Variants in SAMD12 observed in about 807,000 individuals in gnomAD.
SAMD12 encodes the protein sterile alpha motif domain-containing protein 12.
SAMD12 carries 9 observed loss-of-function variants against 15.0 expected under a neutral mutation model. The ratio of observed to expected loss-of-function variants is 0.60; its 90% CI spans 0.36 to 1.05. The LOEUF is 1.05. Ranked by LOEUF, SAMD12 falls within the 50% of genes least tolerant of loss-of-function variation. SAMD12 has a pLI of 0.01. For missense variants in SAMD12, 230 were observed against 234.2 expected, an observed-to-expected ratio of 0.98 and a Z score of 0.12; for synonymous variants, 86 against 90.1, an observed-to-expected ratio of 0.96 and a Z score of 0.25.
At chr8:118,606,369 G>C (rs1827986018) in intron 1 of SAMD12, among the ~76,000 whole-genome samples, 2 of 152,140 alleles carry the variant, frequency 1.3e-5, no homozygotes, top group Non-Finnish European at 2.9e-5. Flanking sequence ...TTGGGTAAGG[G>C]AGTCTTCACA....
At chr8:118,605,331 T>TA (rs1470303476) in intron 1 of SAMD12, among the ~76,000 whole-genome samples, 7 of 152,080 alleles carry the variant, frequency 4.6e-5, no homozygotes, top group South Asian at 2.1e-4. Context: ...CATAAGAAAG[T>TA]AAAAAAAATA....
In SAMD12 at chr8:118,378,620, T is replaced by G. The variant is rs2130707750; in HGVS notation, c.*797A>C. 1.0e-6 allele frequency: 1 copy of G among 985,114 alleles called. No individual in the cohort carries two copies. The highest frequency in any genetic ancestry group is 1.1e-4 in the East Asian group (1 of 8,808). The allele number at this position is 985,114 out of a possible 1,614,324, so 61.0% of individuals were successfully genotyped here. A position where few individuals can be genotyped will look rare whatever the true frequency, so the allele number is the denominator to read the frequency against. ...CTGACCCAGATTTCTCCAATATCGG[T>G]ATGCATGCAATTACAATATTCTGCA... On this transcript the variant is annotated 3_prime_UTR_variant, in exon 4 of 4. Coordinates refer to ENST00000314727, the MANE Select transcript of SAMD12 (RefSeq NM_207506.3).
the SAMD12 span, among the ~76,000 whole-genome samples, chr8:118,179,386 G>C: frequency 8.1e-3 from 1,168 of 144,252 alleles, 9 homozygotes; most frequent in Middle Eastern, 0.022. Flanking sequence ...GCGGTGAGCC[G>C]AAATCACAGC....
At chr8:118,247,681 C>A (rs1481717264) in intron 4 of SAMD12, among the ~76,000 whole-genome samples, 1 of 152,030 alleles carries the variant, frequency 6.6e-6, no homozygotes, top group Non-Finnish European at 1.5e-5. Context: ...CAACCTCCAC[C>A]TCCCAGGCTC....
At chr8:118,369,337 G>A (rs112354672) in intron 4 of SAMD12, among the ~76,000 whole-genome samples, 1,852 of 152,222 alleles carry the variant, frequency 0.012, 36 homozygotes, top group African/African-American at 0.042. Context: ...AACGGTGCTG[G>A]GAAACCTGGC....
chr8:118,450,829 T>C (rs549717122), intron 2 of SAMD12, among the ~76,000 whole-genome samples: 20 of 152,266 alleles, frequency 1.3e-4, no homozygotes, highest in South Asian at 8.3e-4. Context: ...GTTTCTGAGA[T>C]ATATTTCCAA....
At chr8:118,551,136 G>C (rs570182180) in intron 2 of SAMD12, among the ~76,000 whole-genome samples, 2 of 152,192 alleles carry the variant, frequency 1.3e-5, no homozygotes, top group South Asian at 4.2e-4. Flanking sequence ...AAGTCAACAA[G>C]GATACCCAGG....
intron 3 of SAMD12, among the ~76,000 whole-genome samples, chr8:118,417,205 G>A (rs914625535): frequency 3.3e-5 from 5 of 151,704 alleles, no homozygotes; most frequent in African/African-American, 9.7e-5. Flanking sequence ...CTCATCCTCC[G>A]GGGTAGCTAG....
At chr8:118,195,078 A>C (rs936374697) in exon 5 of SAMD12, 4 of 152,194 alleles carry the variant, frequency 2.6e-5, no homozygotes, top group African/African-American at 7.2e-5. Flanking sequence ...CTCTTCACCC[A>C]TCATCTTTCA....
intron 4 of SAMD12, among the ~76,000 whole-genome samples, chr8:118,202,809 A>G (rs17484852): frequency 4.6e-5 from 7 of 152,290 alleles, no homozygotes; most frequent in Admixed American, 1.3e-4. Flanking sequence ...TGCAACTTCA[A>G]TGTGGGACAA....
At chr8:118,149,528 TCA>T in the SAMD12 span, among the ~76,000 whole-genome samples, 1 of 152,218 alleles carries the variant, frequency 6.6e-6, no homozygotes, top group Non-Finnish European at 1.5e-5. Context: ...GTCCTTTCTC[TCA>T]GTTTCTTTCT....
At chr8:118,290,727 G>A (rs957527572) in intron 4 of SAMD12, among the ~76,000 whole-genome samples, 1 of 152,150 alleles carries the variant, frequency 6.6e-6, no homozygotes, top group Non-Finnish European at 1.5e-5. Context: ...CTTGCAAAAA[G>A]TAAAACTCAT....
chr8:118,149,979 C>T, the SAMD12 span, among the ~76,000 whole-genome samples: 1 of 152,056 alleles, frequency 6.6e-6, no homozygotes, highest in Admixed American at 6.6e-5. Flanking sequence ...TTCTTTAATC[C>T]CAGTGATTCT....
intron 1 of SAMD12, among the ~76,000 whole-genome samples, chr8:118,615,515 C>G (rs951136257): frequency 2.0e-5 from 3 of 152,170 alleles, no homozygotes; most frequent in Admixed American, 1.3e-4. Flanking sequence ...TGCTTATCAA[C>G]AGAAAGGCAC....
At chr8:118,166,514 C>CA in the SAMD12 span, among the ~76,000 whole-genome samples, 1 of 152,174 alleles carries the variant, frequency 6.6e-6, no homozygotes, top group Non-Finnish European at 1.5e-5. Context: ...TGCTCTGTCA[C>CA]AAAAAATTAA....
chr8:118,335,416 G>A (rs548589191), intron 4 of SAMD12, among the ~76,000 whole-genome samples: 7 of 152,058 alleles, frequency 4.6e-5, no homozygotes, highest in Non-Finnish European at 1.0e-4. Context: ...CACTATTTAG[G>A]GGACTTGACA....
intron 4 of SAMD12, among the ~76,000 whole-genome samples, chr8:118,275,186 T>C (rs547394697): frequency 2.0e-4 from 31 of 152,308 alleles, no homozygotes; most frequent in Non-Finnish European, 3.5e-4. Flanking sequence ...TAGAACTTTA[T>C]AGAATAATTT....
chr8:118,409,696 AC>A (rs1402432506), intron 3 of SAMD12, among the ~76,000 whole-genome samples: 1 of 150,308 alleles, frequency 6.7e-6, no homozygotes, highest in Non-Finnish European at 1.5e-5. Context: ...ACTGGGATGT[AC>A]TACTTACATG....
At chr8:118,232,842 C>T (rs76995001) in intron 4 of SAMD12, among the ~76,000 whole-genome samples, 1,707 of 152,196 alleles carry the variant, frequency 0.011, 32 homozygotes, top group African/African-American at 0.039. Context: ...GCTGTGGCGC[C>T]GGGAGATTTG....
Sources: allele counts gnomAD v4.1 joint callset (sites outside exome capture counted in the v4.1 genomes callset), GRCh38; gene constraint gnomAD v4.1.1; transcripts MANE v1.5; gene names NCBI Gene and HGNC (gene_info 2026-07-23, HGNC 2026-07-21).